The following ITGA9 variants were observed in gnomAD, a reference collection of about 807,000 sequenced individuals.
ITGA9 encodes the protein integrin subunit alpha 9, also known as integrin alpha-9.
In ITGA9, 56 loss-of-function variants were observed where a neutral mutation model predicts 127.8. That is an observed-to-expected ratio of 0.44 (90% confidence interval 0.35 to 0.55). The LOEUF (loss-of-function observed/expected upper bound fraction) is 0.55, where lower values mean the gene tolerates loss of function less well. Among genes scored for constraint, ITGA9 ranks in the 20% least tolerant of loss-of-function variants. The pLI is 0.00. For synonymous variants in ITGA9, 508 were observed against 514.5 expected (o/e 0.99, Z 0.17); for missense variants, 1,196 against 1,347.1 (o/e 0.89, Z 1.76).
intron 15 of ITGA9, among the ~76,000 whole-genome samples, chr3:37,624,119 A>T (rs994929196): frequency 1.3e-5 from 2 of 151,826 alleles, no homozygotes; most frequent in African/African-American, 4.8e-5. Context: ...TTTATTTACA[A>T]ATTTAAAGTG....
intron 15 of ITGA9, among the ~76,000 whole-genome samples, chr3:37,550,640 G>T (rs1480551991): frequency 6.6e-6 from 1 of 152,220 alleles, no homozygotes; most frequent in African/African-American, 2.4e-5. Flanking sequence ...TAAGAGCATA[G>T]ATGATAGTAA....
At chr3:37,759,350 C>T (rs1204487642) in intron 23 of ITGA9, among the ~76,000 whole-genome samples, 1 of 151,984 alleles carries the variant, frequency 6.6e-6, no homozygotes, top group African/African-American at 2.4e-5. Flanking sequence ...ATATATTTCT[C>T]ATGTGCTATA....
chr3:37,675,020 C>A (rs116100266), intron 17 of ITGA9, among the ~76,000 whole-genome samples: 3 of 152,344 alleles, frequency 2.0e-5, no homozygotes, highest in African/African-American at 7.2e-5. Flanking sequence ...GGACCATTCT[C>A]CTATTCAGAA....
chr3:37,672,658 GATGAGGAGC>G (rs1340234629), intron 17 of ITGA9, among the ~76,000 whole-genome samples: 1 of 152,144 alleles, frequency 6.6e-6, no homozygotes, highest in Non-Finnish European at 1.5e-5. Context: ...AGCTTGTTGG[GATGAGGAGC>G]ATCCAATGGG....
At chr3:37,462,525 A>G (rs1698326190) in intron 1 of ITGA9, among the ~76,000 whole-genome samples, 1 of 152,194 alleles carries the variant, frequency 6.6e-6, no homozygotes, top group African/African-American at 2.4e-5. Context: ...CACTTGTCCA[A>G]GGTTACCCAG....
At chr3:37,746,734 T>G (rs1696505710) in intron 22 of ITGA9, among the ~76,000 whole-genome samples, 1 of 152,202 alleles carries the variant, frequency 6.6e-6, no homozygotes, top group Admixed American at 6.5e-5. Flanking sequence ...TTTCTATGTC[T>G]TCAGGTTGTT....
At chr3:37,601,399 T>A (rs1055904587) in intron 15 of ITGA9, among the ~76,000 whole-genome samples, 2 of 152,170 alleles carry the variant, frequency 1.3e-5, no homozygotes, top group Non-Finnish European at 1.5e-5. Context: ...ATAAAGCTAA[T>A]GAGAGAGCAG....
At chr3:37,475,829 T>A (rs1395950069) in intron 3 of ITGA9, among the ~76,000 whole-genome samples, 2 of 152,224 alleles carry the variant, frequency 1.3e-5, no homozygotes, top group African/African-American at 4.8e-5. Flanking sequence ...AACTTTATCT[T>A]GCAAAACTTA....
chr3:37,497,342 T>C (rs905790229), intron 5 of ITGA9, among the ~76,000 whole-genome samples: 29 of 143,124 alleles, frequency 2.0e-4, no homozygotes, highest in South Asian at 6.8e-4. Flanking sequence ...TTTTTTTTTT[T>C]CCCTCTAGAT....
At chr3:37,748,621 C>A (rs13083907) in intron 22 of ITGA9, 3 of 500,572 alleles carry the variant, frequency 6.0e-6, no homozygotes, top group Non-Finnish European at 1.1e-5. Context: ...GTGGCAGCCA[C>A]CTGTAATCCC....
chr3:37,630,073 A>G (rs1322329039), intron 16 of ITGA9, among the ~76,000 whole-genome samples: 2 of 152,228 alleles, frequency 1.3e-5, no homozygotes, highest in Admixed American at 6.5e-5. Flanking sequence ...ACTGTGGGCT[A>G]ACCCAGCCTC....
chr3:37,707,990 G>C (rs778193308), intron 18 of ITGA9, among the ~76,000 whole-genome samples: 3 of 152,170 alleles, frequency 2.0e-5, no homozygotes, highest in Non-Finnish European at 4.4e-5. Flanking sequence ...GTTCCCATTT[G>C]TTCTTCACAG....
intron 23 of ITGA9, among the ~76,000 whole-genome samples, chr3:37,757,426 G>T (rs947824044): frequency 1.3e-5 from 2 of 151,820 alleles, no homozygotes; most frequent in African/African-American, 2.4e-5. Context: ...ACTTTAGGAG[G>T]CTAAGGCAAG....
intron 15 of ITGA9, among the ~76,000 whole-genome samples, chr3:37,619,862 C>G (rs577829196): frequency 4.8e-4 from 72 of 150,074 alleles, no homozygotes; most frequent in Non-Finnish European, 9.3e-4. Flanking sequence ...TGCTTCTAGT[C>G]TCTTAGCTCA....
Position 37,755,067 on chromosome 3 carries a change from C to A in ITGA9, c.2541+4498C>A, listed in dbSNP as rs552045916. Reference sequence around the variant, plus strand: ...AATTACTCCTGAATAACTGACCCCCCCAAAAAAATGAATACCATTTATTGC... The same window carrying A: ...AATTACTCCTGAATAACTGACCCCCACAAAAAAATGAATACCATTTATTGC... On this transcript the variant is annotated intron_variant, in intron 23 of 27. Coordinates refer to ENST00000264741, the MANE Select transcript of ITGA9 (RefSeq NM_002207.3). Among the ~76,000 whole-genome samples the A allele has an allele frequency of 3.9e-5, 6 of 152,182 alleles. No individual in the cohort carries two copies. The South Asian group carries it at 1.2e-3, about 32-fold the overall frequency.
At chr3:37,692,410 AGAGTGT>A (rs1419884483) in intron 18 of ITGA9, among the ~76,000 whole-genome samples, 1 of 135,898 alleles carries the variant, frequency 7.4e-6, no homozygotes, top group Non-Finnish European at 1.5e-5. Context: ...AGAGAGAGAG[AGAGTGT>A]GTGTGTGTGT....
chr3:37,725,901 A>G (rs1696185369), intron 18 of ITGA9, among the ~76,000 whole-genome samples: 1 of 152,270 alleles, frequency 6.6e-6, no homozygotes, highest in Non-Finnish European at 1.5e-5. Context: ...AAATTGGGAC[A>G]CTAATGCCAA....
intron 10 of ITGA9, among the ~76,000 whole-genome samples, 171 bp downstream of exon 10, chr3:37,517,780 T>A (rs1559526256): frequency 6.6e-6 from 1 of 152,194 alleles, no homozygotes. Context: ...CGTTTAGAGG[T>A]GCTCTCCCTG....
rs559381486 is a variant in ITGA9, at chr3:37,474,121, A to G, written c.420+661A>G. 1.1e-4 allele frequency among the ~76,000 whole-genome samples: 16 copies of G among 152,342 alleles called. No homozygotes were observed. In the South Asian group the frequency reaches 3.3e-3, roughly 32 times the overall value. ...AAATGTTATTTTTAACTAGTTATTT[A>G]TCGGACCTCCAAAGCACCTATGCTG... On this transcript the variant is annotated intron_variant, in intron 3 of 27. Coordinates refer to ENST00000264741, the MANE Select transcript of ITGA9 (RefSeq NM_002207.3).
Sources: allele counts gnomAD v4.1 joint callset (sites outside exome capture counted in the v4.1 genomes callset), GRCh38; gene constraint gnomAD v4.1.1; transcripts MANE v1.5; gene names NCBI Gene and HGNC (gene_info 2026-07-23, HGNC 2026-07-21).